Variants in PCDHGA4 observed in about 807,000 individuals in gnomAD.
The protein encoded by PCDHGA4 is protocadherin gamma-A4.
A neutral mutation model predicts 54.6 loss-of-function variants in PCDHGA4; 38 were observed. The observed-to-expected ratio is 0.70, with a 90% CI of 0.54 to 0.91. The LOEUF (loss-of-function observed/expected upper bound fraction) is 0.91. Among genes scored for constraint, PCDHGA4 ranks in the 40% least tolerant of loss-of-function variants. The pLI, the probability that PCDHGA4 is intolerant of heterozygous loss-of-function variation, is 0.00. For synonymous variants in PCDHGA4, 511 were observed against 512.9 expected (o/e 1.00, Z 0.05); for missense variants, 1,298 against 1,220.9 (o/e 1.06, Z -0.94).
intron 1 of PCDHGA4, chr5:141,365,642 A>G (rs1764035406): frequency 6.2e-7 from 1 of 1,613,554 alleles, no homozygotes; most frequent in Non-Finnish European, 8.5e-7. Flanking sequence ...AGAAAGCCAC[A>G]TCCCCTTGAA....
At chr5:141,389,793 C>G in intron 1 of PCDHGA4, 1 of 1,613,570 alleles carries the variant, frequency 6.2e-7, no homozygotes, top group Non-Finnish European at 8.5e-7. Flanking sequence ...GGACGCCGTC[C>G]GCCAGCGCCT....
chr5:141,414,799 G>A, intron 1 of PCDHGA4: 1 of 1,614,214 alleles, frequency 6.2e-7, no homozygotes, highest in Non-Finnish European at 8.5e-7. Context: ...CAGCGACAGC[G>A]GGGATCCTCC....
At chr5:141,401,669 T>A (rs2094181201) in intron 1 of PCDHGA4, among the ~76,000 whole-genome samples, 1 of 152,234 alleles carries the variant, frequency 6.6e-6, no homozygotes, top group Admixed American at 6.5e-5. Context: ...TTTCTCAACA[T>A]CCTTGTAGGA....
At chr5:141,455,330 G>T (rs2098819667) in intron 1 of PCDHGA4, among the ~76,000 whole-genome samples, 1 of 152,042 alleles carries the variant, frequency 6.6e-6, no homozygotes, top group South Asian at 2.1e-4. Context: ...GTGTGTTTGT[G>T]GTTTTAAGGA....
chr5:141,389,171 C>G (rs772221999), intron 1 of PCDHGA4: 11 of 1,613,892 alleles, frequency 6.8e-6, no homozygotes, highest in Admixed American at 3.3e-5. Context: ...GCAAGCCTCC[C>G]CTCTCCTCCA....
intron 1 of PCDHGA4, chr5:141,413,232 G>A (rs374674787): frequency 1.1e-4 from 170 of 1,613,834 alleles, no homozygotes; most frequent in Non-Finnish European, 1.4e-4. Context: ...GGCTGGTCCT[G>A]CTCTGCCTTT....
intron 1 of PCDHGA4, chr5:141,399,694 A>G (rs1467163302): frequency 1.9e-6 from 3 of 1,613,454 alleles, no homozygotes; most frequent in Admixed American, 1.7e-5. Flanking sequence ...GCAGCTGCGC[A>G]CCTTCGAACT....
Position 141,356,111 on chromosome 5 carries a change from TG to T in PCDHGA4, c.1010del (p.Gly337ValfsTer2). 6.2e-7 allele frequency: 1 copy of T among 1,613,818 alleles called. No individual in the cohort carries two copies. ...TCTCTGAGTGGGGATATAACAATATTGGGGGGTCTAGATTATGAGGACTCTG... is the reference window on the plus strand; with the variant it reads ...TCTCTGAGTGGGGATATAACAATATTGGGGGTCTAGATTATGAGGACTCTG... ...LNSLSGDITI[L>X]GGLDYEDSGF... On this transcript the variant is annotated frameshift_variant, in exon 1 of 4. Coordinates refer to ENST00000571252, the MANE Select transcript of PCDHGA4 (RefSeq NM_018917.4). LOFTEE classifies it high-confidence loss of function.
At position 141,362,271 on chromosome 5, in the gene PCDHGA4, C is replaced by A. The variant is rs183808051; in HGVS notation, c.2514+4650C>A. On this transcript the variant is annotated intron_variant, in intron 1 of 3. Coordinates refer to ENST00000571252, the MANE Select transcript of PCDHGA4 (RefSeq NM_018917.4). Reference sequence around the variant, plus strand: ...TCCTCGCGGTGATTCTGGCAATCTCCCTGCGCCTGCGACTCTCTTCCAGGT... The same window carrying A: ...TCCTCGCGGTGATTCTGGCAATCTCACTGCGCCTGCGACTCTCTTCCAGGT... 9.6e-4 allele frequency: 1,557 copies of A among 1,614,030 alleles called. 12 individuals carry two copies. The African/African-American group carries it at 0.01, about 10-fold the overall frequency.
chr5:141,365,093 A>G (rs528661266), intron 1 of PCDHGA4: 1 of 1,613,880 alleles, frequency 6.2e-7, no homozygotes, highest in African/African-American at 1.3e-5. Context: ...TCCAGAGAAC[A>G]TACCTGTGGG....
chr5:141,371,424 G>GC, intron 1 of PCDHGA4: 1 of 1,613,946 alleles, frequency 6.2e-7, no homozygotes. Flanking sequence ...AAATGACAAT[G>GC]CCCCGGAGAT....
intron 2 of PCDHGA4, among the ~76,000 whole-genome samples, chr5:141,503,458 G>A (rs948221006): frequency 2.0e-5 from 3 of 152,018 alleles, no homozygotes; most frequent in Non-Finnish European, 4.4e-5. Flanking sequence ...CGCTGGGCAT[G>A]GTGGCATGTG....
intron 1 of PCDHGA4, among the ~76,000 whole-genome samples, chr5:141,401,408 A>G (rs943963302): frequency 6.6e-6 from 1 of 152,200 alleles, no homozygotes; most frequent in Non-Finnish European, 1.5e-5. Flanking sequence ...TATGAGAGAG[A>G]AAGAGAGAGA....
intron 1 of PCDHGA4, chr5:141,395,849 C>G (rs1173151406): frequency 6.6e-6 from 1 of 152,094 alleles, no homozygotes; most frequent in African/African-American, 2.4e-5. Flanking sequence ...GGAGATGAGA[C>G]TGGTTACTAA....
At chr5:141,389,449 A>C in intron 1 of PCDHGA4, 2 of 1,610,538 alleles carry the variant, frequency 1.2e-6, no homozygotes, top group Non-Finnish European at 1.7e-6. Context: ...GACCACGAGC[A>C]GCTGCGCGCC....
intron 1 of PCDHGA4, chr5:141,365,375 C>A (rs752434944): frequency 9.3e-6 from 15 of 1,613,942 alleles, no homozygotes; most frequent in Non-Finnish European, 1.3e-5. Flanking sequence ...CGAAGTGATC[C>A]TCACCTCTCT....
intron 1 of PCDHGA4, among the ~76,000 whole-genome samples, chr5:141,459,109 C>A (rs1213203625): frequency 6.6e-6 from 1 of 152,174 alleles, no homozygotes; most frequent in Non-Finnish European, 1.5e-5. Context: ...TGCATTTTGA[C>A]AATTGTTTAC....
intron 1 of PCDHGA4, chr5:141,428,910 A>C (rs956124609): frequency 1.3e-5 from 2 of 151,302 alleles, no homozygotes; most frequent in Non-Finnish European, 2.9e-5. Context: ...GCTGGAGTGC[A>C]GTGGCATGAT....
chr5:141,372,613 TC>T, intron 1 of PCDHGA4: 1 of 1,614,018 alleles, frequency 6.2e-7, no homozygotes, highest in Non-Finnish European at 8.5e-7. Context: ...CCTGGAGTTC[TC>T]CCCACCTACA....
Sources: allele counts gnomAD v4.1 joint callset (sites outside exome capture counted in the v4.1 genomes callset), GRCh38; gene constraint gnomAD v4.1.1; transcripts MANE v1.5; gene names NCBI Gene and HGNC (gene_info 2026-07-23, HGNC 2026-07-21).